The following CLYBL variants were observed in gnomAD, a reference collection of about 807,000 sequenced individuals.
CLYBL encodes citramalyl-CoA lyase, mitochondrial.
A neutral mutation model predicts 38.9 loss-of-function variants in CLYBL; 31 were observed. That is an observed-to-expected ratio of 0.80 (90% CI 0.60 to 1.08). CLYBL has a LOEUF of 1.08. Ranked by LOEUF, CLYBL falls within the 50% of genes least tolerant of loss-of-function variation. The pLI, the probability that CLYBL is intolerant of heterozygous loss-of-function variation, is 0.00. For synonymous variants in CLYBL, 171 were observed against 158.6 expected (o/e 1.08, Z -0.59); for missense variants, 434 against 411.6 (o/e 1.05, Z -0.47).
intron 1 of CLYBL, among the ~76,000 whole-genome samples, chr13:99,615,553 A>T (rs2046696268): frequency 6.6e-6 from 1 of 152,220 alleles, no homozygotes; most frequent in South Asian, 2.1e-4. Context: ...GATCCTGTGA[A>T]GTTTAGAATT....
intron 2 of CLYBL, among the ~76,000 whole-genome samples, chr13:99,803,214 C>T (rs1043668627): frequency 3.3e-5 from 5 of 152,192 alleles, no homozygotes; most frequent in African/African-American, 1.2e-4. Flanking sequence ...GTTTTCTTTC[C>T]TCTTAAGAGA....
chr13:99,664,109 T>C (rs1394249113), intron 1 of CLYBL, among the ~76,000 whole-genome samples: 1 of 152,244 alleles, frequency 6.6e-6, no homozygotes, highest in Non-Finnish European at 1.5e-5. Context: ...GGATTATAAC[T>C]CTTGACCGCT....
chr13:99,797,844 A>G (rs1221563072), intron 2 of CLYBL, among the ~76,000 whole-genome samples: 1 of 152,216 alleles, frequency 6.6e-6, no homozygotes, highest in Non-Finnish European at 1.5e-5. Context: ...CAGGAAAATT[A>G]TAGCCTAACT....
chr13:99,676,832 C>G (rs1157777146), intron 1 of CLYBL, among the ~76,000 whole-genome samples: 1 of 151,612 alleles, frequency 6.6e-6, no homozygotes, highest in Non-Finnish European at 1.5e-5. Context: ...CTCGAACTCT[C>G]GACCTCAGGT....
chr13:99,793,033 AACACACACAC>A (rs10631674), intron 2 of CLYBL, among the ~76,000 whole-genome samples: 41,361 of 145,952 alleles, frequency 0.28, 7,306 homozygotes, highest in Middle Eastern at 0.43. Flanking sequence ...GTGCATACAT[AACACACACAC>A]ACACACACAC....
rs1340997650 is a variant in CLYBL at position 99,905,711 on chromosome 13, T to G, written c.*160+306T>G. 3.8e-5 allele frequency among the ~76,000 whole-genome samples: 4 copies of G among 106,570 alleles called. No homozygotes were observed. In the South Asian group the frequency reaches 1.1e-3, roughly 29 times the overall value. 69.9% of individuals were successfully genotyped at this position (106,570 alleles called of 152,430 possible). A position where few individuals can be genotyped will look rare whatever the true frequency, so the allele number is the denominator to read the frequency against. Reference sequence around the variant, plus strand: ...CAGCCATAAAAAAGTGTTTTTTGGTTGTTGTTTTTGCTTTTTTTTTTTTAG... The same window carrying G: ...CAGCCATAAAAAAGTGTTTTTTGGTGGTTGTTTTTGCTTTTTTTTTTTTAG... On this transcript the variant is annotated intron_variant and NMD_transcript_variant, in intron 9 of 9. Transcript: ENST00000689673.
chr13:99,789,474 G>A (rs191394107), intron 2 of CLYBL, among the ~76,000 whole-genome samples: 12 of 152,284 alleles, frequency 7.9e-5, no homozygotes, highest in African/African-American at 2.9e-4. Context: ...TCATTTAGGA[G>A]CAGGTTGTTC....
intron 2 of CLYBL, among the ~76,000 whole-genome samples, chr13:99,836,006 TAG>T (rs2050926330): frequency 6.6e-6 from 1 of 152,010 alleles, no homozygotes; most frequent in Admixed American, 6.5e-5. Flanking sequence ...GAGCTGTCAT[TAG>T]AGAGGTGGAT....
chr13:99,782,005 C>T (rs2049666464), intron 2 of CLYBL, among the ~76,000 whole-genome samples: 1 of 152,190 alleles, frequency 6.6e-6, no homozygotes, highest in African/African-American at 2.4e-5. Context: ...AGTTATCTCT[C>T]TTTAATCCTA....
intron 1 of CLYBL, among the ~76,000 whole-genome samples, chr13:99,685,142 C>A (rs190650651): frequency 6.6e-6 from 1 of 152,152 alleles, no homozygotes; most frequent in African/African-American, 2.4e-5. Flanking sequence ...ACACAACTCA[C>A]GAAAATGTGC....
At chr13:99,764,426 T>G (rs765699981) in intron 1 of CLYBL, among the ~76,000 whole-genome samples, 31 of 152,322 alleles carry the variant, frequency 2.0e-4, no homozygotes, top group South Asian at 1.5e-3. Flanking sequence ...TACTCGTTAT[T>G]GGTTTATTGA....
chr13:99,849,825 T>TCAGGGCCAGGGCAAGG lies in CLYBL; in HGVS notation c.250-9032_250-9017dup, dbSNP rs1159598782. ...AGAGCCAGCACCAGCCAGTTGCCAGTCAGGGCCAGGGCAAGGCAGCCAAGG... is the reference window on the plus strand; with the variant it reads ...AGAGCCAGCACCAGCCAGTTGCCAGTCAGGGCCAGGGCAAGGCAGGGCCAGGGCAAGGCAGCCAAGG... On this transcript the variant is annotated intron_variant, in intron 2 of 8. Coordinates refer to ENST00000339105, the MANE Select transcript of CLYBL (RefSeq NM_206808.5). The surrounding 1 kb of genome is among the most constrained non-coding windows in gnomAD (Gnocchi z 4.9). Among the ~76,000 whole-genome samples, 12 of 152,202 alleles carry TCAGGGCCAGGGCAAGG rather than the reference T, an allele frequency of 7.9e-5. No individual in the cohort carries two copies. Among genetic ancestry groups the TCAGGGCCAGGGCAAGG allele is most frequent in the Non-Finnish European group, 1.3e-4 (9 of 68,034 alleles).
chr13:99,889,068 G>A (rs745806070), intron 7 of CLYBL, among the ~76,000 whole-genome samples: 6 of 152,244 alleles, frequency 3.9e-5, no homozygotes, highest in Non-Finnish European at 7.4e-5. Context: ...CAAAACCTGC[G>A]ACCATAGAAG....
At chr13:99,699,877 C>T (rs994882520) in intron 1 of CLYBL, among the ~76,000 whole-genome samples, 2 of 147,802 alleles carry the variant, frequency 1.4e-5, no homozygotes, top group African/African-American at 5.0e-5. Flanking sequence ...GCCTGTAGTC[C>T]CAGCTACTCG....
intron 2 of CLYBL, among the ~76,000 whole-genome samples, chr13:99,793,033 A>AAAACACATACACACACACACACAC (rs368975807): frequency 6.9e-6 from 1 of 145,954 alleles, no homozygotes; most frequent in African/African-American, 2.6e-5. Flanking sequence ...GTGCATACAT[A>AAAACACATACACACACACACACAC]ACACACACAC....
At chr13:99,894,497 A>G (rs188188490), downstream of CLYBL, 1 of 152,358 alleles carries the variant, frequency 6.6e-6, no homozygotes, top group Non-Finnish European at 1.5e-5. Context: ...ATCAGAACTA[A>G]TGAGAAACAA....
At chr13:99,738,932 A>G (rs553444191) in intron 1 of CLYBL, among the ~76,000 whole-genome samples, 48 of 152,294 alleles carry the variant, frequency 3.2e-4, no homozygotes, top group African/African-American at 1.2e-3. Flanking sequence ...TGTCATGAGG[A>G]TTCAAAAAGT....
At chr13:99,750,283 A>G (rs1412481521) in intron 1 of CLYBL, among the ~76,000 whole-genome samples, 1 of 152,194 alleles carries the variant, frequency 6.6e-6, no homozygotes, top group African/African-American at 2.4e-5. Context: ...ATATGTGCAC[A>G]CTTTTCTGTA....
At chr13:99,738,087 G>A (rs531602292) in intron 1 of CLYBL, among the ~76,000 whole-genome samples, 1 of 152,302 alleles carries the variant, frequency 6.6e-6, no homozygotes, top group East Asian at 1.9e-4. Flanking sequence ...GCAATGTTCT[G>A]TAAGTGAGAT....
Sources: allele counts gnomAD v4.1 joint callset (sites outside exome capture counted in the v4.1 genomes callset), GRCh38; gene constraint gnomAD v4.1.1; non-coding constraint Gnocchi (gnomAD v3.1); transcripts MANE v1.5; gene names NCBI Gene and HGNC (gene_info 2026-07-23, HGNC 2026-07-21).